Variants in UPF2 observed in about 807,000 individuals in gnomAD.
UPF2 encodes regulator of nonsense transcripts 2.
A neutral mutation model predicts 141.4 loss-of-function variants in UPF2; 17 were observed. The ratio of observed to expected loss-of-function variants is 0.12; its 90% CI spans 0.08 to 0.18. The LOEUF (loss-of-function observed/expected upper bound fraction) is 0.18, where lower values mean the gene tolerates loss of function less well. Among genes scored for constraint, UPF2 ranks in the 10% least tolerant of loss-of-function variants. The pLI is 1.00. For synonymous variants in UPF2, 540 were observed against 498.0 expected, an observed-to-expected ratio of 1.08 and a Z score of -1.12; for missense variants, 1,152 against 1,515.9, an observed-to-expected ratio of 0.76 and a Z score of 3.99.
rs60922532 is a variant in UPF2 at position 11,994,975 on chromosome 10, C to CAA, written c.1844+2695_1844+2696dup. ...TGGGCAACAGAGTGAGACTCCATCT[C>CAA]AAAAAAAAAAAAAAAAAAAAAAAAA... On this transcript the variant is annotated intron_variant, in intron 8 of 21. Coordinates refer to ENST00000357604, the MANE Select transcript of UPF2 (RefSeq NM_015542.4). Among the ~76,000 whole-genome samples, 187 of 51,354 alleles carry CAA rather than the reference C, an allele frequency of 3.6e-3. 20 individuals carry two copies. Among genetic ancestry groups the CAA allele is most frequent in the East Asian group, 5.0e-3 (4 of 802 alleles). 33.7% of individuals were successfully genotyped at this position (51,354 alleles called of 152,430 possible).
intron 9 of UPF2, among the ~76,000 whole-genome samples, chr10:11,973,796 T>C (rs1316236781): frequency 6.6e-6 from 1 of 152,238 alleles, no homozygotes; most frequent in African/African-American, 2.4e-5. Context: ...AGCCTTGTAG[T>C]ATAGCTTGAA....
At chr10:11,960,653 G>A (rs921631448) in intron 11 of UPF2, among the ~76,000 whole-genome samples, 4 of 151,986 alleles carry the variant, frequency 2.6e-5, no homozygotes, top group Admixed American at 6.6e-5. Flanking sequence ...CAGCTACTCA[G>A]GAAGCTGAGG....
chr10:11,971,319 A>G (rs1004067094), intron 9 of UPF2, among the ~76,000 whole-genome samples: 1 of 150,342 alleles, frequency 6.7e-6, no homozygotes, highest in Non-Finnish European at 1.5e-5. Context: ...CAACGGCGCA[A>G]TCTCGGCTCA....
In UPF2 at chr10:11,952,037, T is replaced by C. The variant is rs112464709; in HGVS notation, c.3034+29A>G. 5.6e-6 allele frequency: 9 copies of C among 1,604,776 alleles called. No individual in the cohort carries two copies. The African/African-American group carries it at 9.4e-5, about 17-fold the overall frequency. Reference sequence around the variant, plus strand: ...AGAAATAATCTGCCAAATATCACCTTCATTTTCTGTCTGCAATCAATTGCT... The same window carrying C: ...AGAAATAATCTGCCAAATATCACCTCCATTTTCTGTCTGCAATCAATTGCT... On this transcript the variant is annotated intron_variant, in intron 15 of 21. Coordinates refer to ENST00000357604, the MANE Select transcript of UPF2 (RefSeq NM_015542.4).
chr10:12,041,091 C>T (rs1253317231), intron 1 of UPF2, among the ~76,000 whole-genome samples: 1 of 152,186 alleles, frequency 6.6e-6, no homozygotes, highest in East Asian at 1.9e-4. Flanking sequence ...CCGTGATTCA[C>T]CTCAATACAC....
Position 11,959,500 on chromosome 10 carries a change from C to T in UPF2, c.2185-144G>A, listed in dbSNP as rs2131194488. Reference sequence around the variant, plus strand: ...AAGGACTGGGCACTGTGGCTCACACCTATAATCCCAGCACTTTGGGAGACT... The same window carrying T: ...AAGGACTGGGCACTGTGGCTCACACTTATAATCCCAGCACTTTGGGAGACT... On this transcript the variant is annotated intron_variant, in intron 11 of 21. Coordinates refer to ENST00000357604, the MANE Select transcript of UPF2 (RefSeq NM_015542.4). This position sits in a 1 kb window ranked among gnomAD's most constrained non-coding sequence, Gnocchi z 5.9. The T allele has an allele frequency of 1.2e-6, 1 of 820,840 alleles. No homozygotes were observed. 50.8% of individuals were successfully genotyped at this position (820,840 alleles called of 1,614,324 possible).
intron 4 of UPF2, among the ~76,000 whole-genome samples, chr10:12,007,169 G>C (rs993280689): frequency 1.3e-5 from 2 of 152,122 alleles, no homozygotes; most frequent in African/African-American, 4.8e-5. Context: ...GACTCAGAAA[G>C]CTCTCAAAAA....
rs756939187 is a variant in UPF2, at chr10:12,014,243, T to C, written c.1146-59A>G. The C allele has an allele frequency of 3.1e-6, 4 of 1,301,128 alleles. No homozygotes were observed. The South Asian group carries it at 9.1e-5, about 30-fold the overall frequency. The allele number at this position is 1,301,128 out of a possible 1,614,324, so 80.6% of individuals were successfully genotyped here. On this transcript the variant is annotated intron_variant, in intron 3 of 21. Transcript: ENST00000357604. The surrounding 1 kb of genome is among the most constrained non-coding windows in gnomAD (Gnocchi z 5.0). ...CAAAATAGATGTGATCACAAATTGT[T>C]ATATATGGGAAACATTCCATAATTT... is the stretch of plus-strand genomic sequence containing the variant.
rs1833539314 is a variant in UPF2 at position 11,978,290 on chromosome 10, T to C, written c.1953+767A>G. 2.0e-5 allele frequency among the ~76,000 whole-genome samples: 3 copies of C among 152,230 alleles called. No individual in the cohort carries two copies. In the South Asian group the frequency reaches 6.2e-4, roughly 32 times the overall value. ...TGAGCAACTTATGATAAAGCGAAGT[T>C]TTGTAAACACCACTTTTCCATTGGC... On this transcript the variant is annotated intron_variant, in intron 9 of 21. Coordinates refer to ENST00000357604, the MANE Select transcript of UPF2 (RefSeq NM_015542.4).
chr10:12,012,173 C>T (rs919524040), intron 4 of UPF2, among the ~76,000 whole-genome samples: 1 of 150,888 alleles, frequency 6.6e-6, no homozygotes, highest in African/African-American at 2.4e-5. Flanking sequence ...AGCCATTCTC[C>T]TGCCTCAGCC....
intron 16 of UPF2, among the ~76,000 whole-genome samples, chr10:11,947,047 C>A (rs1418139572): frequency 6.6e-6 from 1 of 152,162 alleles, no homozygotes; most frequent in Non-Finnish European, 1.5e-5. Flanking sequence ...ACTAAAAATA[C>A]AAAAATTAGC....
At chr10:11,923,818 A>G (rs1365403222) in intron 21 of UPF2, among the ~76,000 whole-genome samples, 1 of 152,194 alleles carries the variant, frequency 6.6e-6, no homozygotes, top group Non-Finnish European at 1.5e-5. Flanking sequence ...CAGCCTGGGC[A>G]ACAGAACAAG....
intron 9 of UPF2, among the ~76,000 whole-genome samples, chr10:11,972,763 T>A (rs1451489795): frequency 6.6e-6 from 1 of 152,246 alleles, no homozygotes; most frequent in Non-Finnish European, 1.5e-5. Flanking sequence ...TGTGCCACAT[T>A]TTCTTAATCC....
rs565675846 is a variant in UPF2, at chr10:11,950,138, C to T, written c.3035-1630G>A. On this transcript the variant is annotated intron_variant, in intron 15 of 21. Coordinates refer to ENST00000357604, the MANE Select transcript of UPF2 (RefSeq NM_015542.4). The stretch of plus-strand genomic sequence containing the variant: ...CTTTCTGTATGGAATATTGGTATTG[C>T]TTTCTTGGTTTTTTAAAAATTACTG... Among the ~76,000 whole-genome samples the T allele has an allele frequency of 6.6e-5, 10 of 152,082 alleles. 1 individual carries two copies. The highest frequency in any genetic ancestry group is 3.9e-4 in the Admixed American group (6 of 15,276).
At chr10:12,025,236 G>A (rs901614868) in intron 3 of UPF2, among the ~76,000 whole-genome samples, 2 of 152,002 alleles carry the variant, frequency 1.3e-5, no homozygotes, top group African/African-American at 4.8e-5. Flanking sequence ...ACATCTAAAT[G>A]AGCAAAGTCT....
At position 11,955,246 on chromosome 10, in the gene UPF2, G is replaced by A; in HGVS notation, c.2836C>T (p.Leu946Phe). Residue 946 changes from leucine (L) to phenylalanine (F), a missense_variant, in exon 14 of 22, where the codon CTT becomes TTT. Around this residue, in one of 4 missense-constraint regions of UPF2, gnomAD observed 739 missense variants for 1,032.2 expected, o/e 0.72. Coordinates refer to ENST00000357604, the MANE Select transcript of UPF2 (RefSeq NM_015542.4). ...GSSKRKLDCF[L>F]VYFQRYVWWK... ...AGCTTATATACCTGAAAATATACAA[G>A]GAAACAATCAAGTTTTCGTTTACTG... The A allele has an allele frequency of 6.3e-7, 1 of 1,589,906 alleles. No individual in the cohort carries two copies. The highest frequency in any genetic ancestry group is 8.6e-7 in the Non-Finnish European group (1 of 1,166,088).
In UPF2 at chr10:12,013,250, A is replaced by T. The variant is rs971444769; in HGVS notation, c.1306+774T>A. Among the ~76,000 whole-genome samples the T allele has an allele frequency of 5.3e-5, 8 of 151,708 alleles. No individual in the cohort carries two copies. The East Asian group carries it at 1.2e-3, about 22-fold the overall frequency. On this transcript the variant is annotated intron_variant, in intron 4 of 21. Coordinates refer to ENST00000357604, the MANE Select transcript of UPF2 (RefSeq NM_015542.4). ...TAAATTTTTCTTTAATTATAGAAGGATATTTTACAAATACTTCACCCCTAA... is the reference window on the plus strand; with the variant it reads ...TAAATTTTTCTTTAATTATAGAAGGTTATTTTACAAATACTTCACCCCTAA...
intron 8 of UPF2, among the ~76,000 whole-genome samples, chr10:11,994,051 T>G (rs1024821239): frequency 3.3e-5 from 5 of 151,434 alleles, no homozygotes; most frequent in African/African-American, 1.2e-4. Flanking sequence ...ATATATGAAG[T>G]GCTAGAAAAG....
At chr10:11,976,181 A>G (rs145321498) in intron 9 of UPF2, among the ~76,000 whole-genome samples, 318 of 152,342 alleles carry the variant, frequency 2.1e-3, no homozygotes, top group African/African-American at 7.3e-3. Context: ...GACATTTCAT[A>G]CAGCTTTGTT....
Sources: gnomAD v4.1 joint callset for allele counts (sites outside exome capture counted in the v4.1 genomes callset) on GRCh38, gnomAD v4.1.1 for gene constraint, gnomAD v4.1.1 regional missense constraint, Gnocchi (gnomAD v3.1) non-coding constraint, MANE v1.5 for transcripts, NCBI Gene and HGNC (gene_info 2026-07-23, HGNC 2026-07-21) for gene names.